The following GABRB1 variants were observed in gnomAD, a reference collection of about 807,000 sequenced individuals.
GABRB1 encodes gamma-aminobutyric acid type A receptor subunit beta1.
GABRB1 carries 17 observed loss-of-function variants against 51.6 expected under a neutral mutation model. The ratio of observed to expected loss-of-function variants is 0.33; its 90% confidence interval spans 0.23 to 0.49. The LOEUF is 0.49. Among genes scored for constraint, GABRB1 ranks in the 20% least tolerant of loss-of-function variants. The pLI is 0.99. For missense variants in GABRB1, 410 were observed against 600.6 expected (o/e 0.68, Z 3.32); for synonymous variants, 247 against 218.9 (o/e 1.13, Z -1.14).
In GABRB1 at chr4:47,101,081, C is replaced by G. The variant is rs551302452; in HGVS notation, c.241-60168C>G. 7.2e-5 allele frequency among the ~76,000 whole-genome samples: 11 copies of G among 152,050 alleles called. No homozygotes were observed. In the East Asian group the frequency reaches 1.9e-3, roughly 27 times the overall value. ...AAATAAGGTTGGTCTTAGTCCTGCA[C>G]ACAATGGAAGTTTTACGTGGGCTCA... On this transcript the variant is annotated intron_variant, in intron 3 of 8. Coordinates refer to ENST00000295454, the MANE Select transcript of GABRB1 (RefSeq NM_000812.4).
At chr4:47,246,297 T>TATATATATAC (rs1721737116) in intron 4 of GABRB1, among the ~76,000 whole-genome samples, 1 of 89,350 alleles carries the variant, frequency 1.1e-5, no homozygotes, top group Non-Finnish European at 2.2e-5. Flanking sequence ...TATATATATA[T>TATATATATAC]ATACACACAC....
chr4:47,104,432 G>C (rs1306001721), intron 3 of GABRB1, among the ~76,000 whole-genome samples: 1 of 151,820 alleles, frequency 6.6e-6, no homozygotes, highest in South Asian at 2.1e-4. Flanking sequence ...TGTGATCTAT[G>C]ACTGTAATTA....
intron 4 of GABRB1, among the ~76,000 whole-genome samples, chr4:47,195,759 C>T (rs996434902): frequency 6.6e-6 from 1 of 152,180 alleles, no homozygotes; most frequent in Non-Finnish European, 1.5e-5. Flanking sequence ...AGGTTCCAGA[C>T]ACTGTCTTGA....
At chr4:47,112,599 GA>G in intron 3 of GABRB1, among the ~76,000 whole-genome samples, 1 of 152,220 alleles carries the variant, frequency 6.6e-6, no homozygotes, top group South Asian at 2.1e-4. Context: ...AGATGAAAAG[GA>G]AAACATATAT....
chr4:47,063,981 T>G (rs1176629539), intron 3 of GABRB1, among the ~76,000 whole-genome samples: 2 of 152,126 alleles, frequency 1.3e-5, no homozygotes, highest in Non-Finnish European at 2.9e-5. Flanking sequence ...CAAACCACCA[T>G]GGCACACGTT....
rs144425448 is a variant in GABRB1, at chr4:47,192,340, C to A, written c.461+30871C>A. Among the ~76,000 whole-genome samples, 35 of 152,274 alleles carry A rather than the reference C, an allele frequency of 2.3e-4. No individual in the cohort carries two copies. In the East Asian group the frequency reaches 5.8e-3, roughly 25 times the overall value. The stretch of plus-strand genomic sequence containing the variant: ...TTCCCTCATTGAAATCCACTGCAAT[C>A]ATTCCTAAAGGCTTTTGAATCACCT... On this transcript the variant is annotated intron_variant, in intron 4 of 8. Coordinates refer to ENST00000295454, the MANE Select transcript of GABRB1 (RefSeq NM_000812.4).
At chr4:47,249,136 T>A (rs1297064631) in intron 4 of GABRB1, among the ~76,000 whole-genome samples, 2 of 152,118 alleles carry the variant, frequency 1.3e-5, no homozygotes, top group African/African-American at 2.4e-5. Context: ...CTTTTTGATG[T>A]AGGCATTTAG....
intron 5 of GABRB1, among the ~76,000 whole-genome samples, chr4:47,332,420 A>G (rs1725519082): frequency 6.6e-6 from 1 of 152,206 alleles, no homozygotes; most frequent in Non-Finnish European, 1.5e-5. Flanking sequence ...TTGGAAATGG[A>G]CATATTCTTA....
At chr4:47,121,916 T>A (rs1463423370) in intron 3 of GABRB1, among the ~76,000 whole-genome samples, 1 of 152,218 alleles carries the variant, frequency 6.6e-6, no homozygotes, top group Non-Finnish European at 1.5e-5. Flanking sequence ...TTAAAGCTTC[T>A]GTTTTTACTA....
At chr4:47,220,687 T>C (rs776931085) in intron 4 of GABRB1, among the ~76,000 whole-genome samples, 1 of 152,004 alleles carries the variant, frequency 6.6e-6, no homozygotes. Context: ...GATCTTTGAT[T>C]TCTGCACACT....
intron 3 of GABRB1, among the ~76,000 whole-genome samples, chr4:47,160,714 A>G (rs1348037757): frequency 6.6e-6 from 1 of 151,812 alleles, no homozygotes; most frequent in Non-Finnish European, 1.5e-5. Context: ...ATTGGTGGAA[A>G]TGTTTATATA....
intron 1 of GABRB1, among the ~76,000 whole-genome samples, chr4:46,997,741 C>CAT (rs111362341): frequency 0.19 from 29,273 of 151,816 alleles, 3,178 homozygotes; most frequent in Admixed American, 0.28. Context: ...TATGCACACA[C>CAT]GTATATATAT....
At chr4:47,005,430 A>G (rs1162156799) in intron 1 of GABRB1, among the ~76,000 whole-genome samples, 1 of 152,048 alleles carries the variant, frequency 6.6e-6, no homozygotes, top group East Asian at 1.9e-4. Context: ...ACAAACAAAC[A>G]AACAAACAAA....
At chr4:47,044,234 G>A (rs374123463) in intron 3 of GABRB1, among the ~76,000 whole-genome samples, 4 of 152,122 alleles carry the variant, frequency 2.6e-5, no homozygotes, top group South Asian at 2.1e-4. Flanking sequence ...GCAAGATGAC[G>A]TTAATATTTT....
chr4:47,404,096 A>G (rs1728488173), intron 7 of GABRB1, among the ~76,000 whole-genome samples: 1 of 152,194 alleles, frequency 6.6e-6, no homozygotes, highest in Admixed American at 6.5e-5. Context: ...AGAAAGCTAA[A>G]CCTTGTGACT....
intron 8 of GABRB1, among the ~76,000 whole-genome samples, chr4:47,421,033 T>C (rs561411896): frequency 1.2e-3 from 186 of 150,284 alleles, no homozygotes; most frequent in Non-Finnish European, 2.2e-3. Context: ...AGAAAGAAAA[T>C]GGAAGTGGGC....
chr4:47,168,775 A>T (rs10021932), intron 4 of GABRB1, among the ~76,000 whole-genome samples: 1 of 151,940 alleles, frequency 6.6e-6, no homozygotes, highest in African/African-American at 2.4e-5. Context: ...TAACTTAAAC[A>T]GTAGAAATTT....
At chr4:47,184,800 T>A (rs2109774874) in intron 4 of GABRB1, among the ~76,000 whole-genome samples, 1 of 151,986 alleles carries the variant, frequency 6.6e-6, no homozygotes, top group South Asian at 2.1e-4. Context: ...ACGCCTGAAT[T>A]TTATAGCCTC....
At chr4:47,202,197 C>T (rs991137612) in intron 4 of GABRB1, among the ~76,000 whole-genome samples, 11 of 152,158 alleles carry the variant, frequency 7.2e-5, no homozygotes, top group African/African-American at 2.7e-4. Flanking sequence ...TGAGTGAGCT[C>T]TCACAAGATC....
Sources: gnomAD v4.1 joint callset for allele counts (sites outside exome capture counted in the v4.1 genomes callset) on GRCh38, gnomAD v4.1.1 for gene constraint, MANE v1.5 for transcripts, NCBI Gene and HGNC (gene_info 2026-07-23, HGNC 2026-07-21) for gene names.